MDM2: variants seen among roughly 807,000 people sequenced by gnomAD.
The protein encoded by MDM2 is MDM2 proto-oncogene.
A neutral mutation model predicts 64.3 loss-of-function variants in MDM2; 11 were observed. The observed-to-expected ratio is 0.17, with a 90% confidence interval of 0.11 to 0.28. The LOEUF is 0.28. Ranked by LOEUF, MDM2 falls within the 10% of genes least tolerant of loss-of-function variation. MDM2 has a pLI of 1.00. For synonymous variants in MDM2, 194 were observed against 192.9 expected (o/e 1.01, Z -0.05); for missense variants, 388 against 577.1 (o/e 0.67, Z 3.36).
chr12:68,841,986 G>T lies in MDM2; in HGVS notation c.*2137G>T, dbSNP rs1034205689. On this transcript the variant is annotated 3_prime_UTR_variant, in exon 11 of 11. Transcript: ENST00000258149. ...GACCACATCATGATGTTCATCTGCAGCTGTTGCAAGGTGTTCAGATTGTAT... is the reference window on the plus strand; with the variant it reads ...GACCACATCATGATGTTCATCTGCATCTGTTGCAAGGTGTTCAGATTGTAT... 1 of 388,744 alleles carries T rather than the reference G, an allele frequency of 2.6e-6. No individual in the cohort carries two copies. Among genetic ancestry groups the T allele is most frequent in the African/African-American group, 2.0e-5 (1 of 49,184 alleles). 24.1% of individuals were successfully genotyped at this position (388,744 alleles called of 1,614,324 possible). A position where few individuals can be genotyped will look rare whatever the true frequency, so the allele number is the denominator to read the frequency against.
chr12:68,813,682 T>C, intron 3 of MDM2, 54 bp downstream of exon 3: 1 of 1,341,892 alleles, frequency 7.5e-7, no homozygotes, highest in South Asian at 1.2e-5. Context: ...TAGCCATACT[T>C]AAAGTTTTCA....
intron 3 of MDM2, 49 bp downstream of exon 3, chr12:68,813,677 ATACT>A (rs1437163216): frequency 1.5e-6 from 2 of 1,370,248 alleles, no homozygotes; most frequent in South Asian, 2.5e-5. Context: ...ACATGTAGCC[ATACT>A]TAAAGTTTTC....
chr12:68,815,813 T>C (rs190367049), intron 3 of MDM2: 1 of 178,146 alleles, frequency 5.6e-6, no homozygotes, highest in East Asian at 1.9e-4. Context: ...CTTATAAAAG[T>C]ACATTGTAAA....
rs983338765 is a variant in MDM2, at chr12:68,841,138, G to C, written c.*1289G>C. 1 of 191,294 alleles carries C rather than the reference G, an allele frequency of 5.2e-6. No homozygotes were observed. The highest frequency in any genetic ancestry group is 1.1e-5 in the Non-Finnish European group (1 of 91,660). 11.8% of individuals were successfully genotyped at this position (191,294 alleles called of 1,614,324 possible). Reference sequence around the variant, plus strand: ...TGGGATTACAGATGTGAGGCACCTGGCCTCAGATTTTTGATACTCTTAAAC... The same window carrying C: ...TGGGATTACAGATGTGAGGCACCTGCCCTCAGATTTTTGATACTCTTAAAC... On this transcript the variant is annotated 3_prime_UTR_variant, in exon 11 of 11. Transcript: ENST00000258149.
chr12:68,812,015 G>T (rs1286744203), intron 2 of MDM2, among the ~76,000 whole-genome samples: 1 of 152,014 alleles, frequency 6.6e-6, no homozygotes, highest in African/African-American at 2.4e-5. Flanking sequence ...CAAAGTGCTG[G>T]GATTACAGAC....
At chr12:68,815,703 A>G (rs1330401266) in intron 3 of MDM2, 3 of 397,396 alleles carry the variant, frequency 7.5e-6, no homozygotes, top group Non-Finnish European at 1.5e-5. Flanking sequence ...TCGGCCTCCT[A>G]AAGTGCTAGA....
At chr12:68,825,716 T>C (rs1720231264) in intron 7 of MDM2, among the ~76,000 whole-genome samples, 1 of 152,204 alleles carries the variant, frequency 6.6e-6, no homozygotes, top group African/African-American at 2.4e-5. Flanking sequence ...GTAGACGTAG[T>C]AGACGAGAAG....
chr12:68,823,525 T>G (rs1039944817), intron 5 of MDM2, among the ~76,000 whole-genome samples: 5 of 152,196 alleles, frequency 3.3e-5, no homozygotes, highest in Non-Finnish European at 5.9e-5. Context: ...GTCTTGTTGG[T>G]TTTTACCTAT....
chr12:68,810,357 T>C (rs1880763883), intron 2 of MDM2, among the ~76,000 whole-genome samples: 1 of 151,856 alleles, frequency 6.6e-6, no homozygotes. Context: ...TTAGAACTCC[T>C]GAGTTCTCAA....
chr12:68,825,404 A>G (rs1882228825), intron 7 of MDM2, among the ~76,000 whole-genome samples: 2 of 151,582 alleles, frequency 1.3e-5, no homozygotes, highest in East Asian at 2.0e-4. Context: ...CTGTAATCCC[A>G]GCACTTTGGG....
At chr12:68,815,457 T>TTTA (rs1437670839) in intron 3 of MDM2, among the ~76,000 whole-genome samples, 14 of 147,790 alleles carry the variant, frequency 9.5e-5, no homozygotes, top group Non-Finnish European at 1.8e-4. Flanking sequence ...TTTTTTTTTT[T>TTTA]ATGTGACAGT....
At chr12:68,808,750 C>T (rs1335822892) in intron 1 of MDM2, among the ~76,000 whole-genome samples, 1 of 148,832 alleles carries the variant, frequency 6.7e-6, no homozygotes, top group Admixed American at 6.7e-5. Flanking sequence ...CGGAGGTCTC[C>T]GCGGGAGTTC....
rs999071862 is a variant in MDM2 at position 68,842,677 on chromosome 12, A to G, written c.*2828A>G. 123 of 208,870 alleles carry G rather than the reference A, an allele frequency of 5.9e-4. No homozygotes were observed. Among genetic ancestry groups the G allele is most frequent in the Non-Finnish European group, 9.5e-4 (95 of 100,242 alleles). 12.9% of individuals were successfully genotyped at this position (208,870 alleles called of 1,614,324 possible). A position where few individuals can be genotyped will look rare whatever the true frequency, so the allele number is the denominator to read the frequency against. ...AACATGTAATTAATGACATTCAAAAATTTATGGCTAGTGATATATATAAAG... is the reference window on the plus strand; with the variant it reads ...AACATGTAATTAATGACATTCAAAAGTTTATGGCTAGTGATATATATAAAG... On this transcript the variant is annotated 3_prime_UTR_variant, in exon 11 of 11. Transcript: ENST00000258149.
intron 7 of MDM2, among the ~76,000 whole-genome samples, chr12:68,825,652 AAAAAG>A (rs1882252948): frequency 6.8e-6 from 1 of 147,962 alleles, no homozygotes; most frequent in East Asian, 1.9e-4. Context: ...ACTGTCTAAA[AAAAAG>A]AGAGAGAGAG....
At chr12:68,827,302 GA>G (rs1882420312) in intron 7 of MDM2, among the ~76,000 whole-genome samples, 1 of 74,790 alleles carries the variant, frequency 1.3e-5, no homozygotes, top group Non-Finnish European at 4.3e-5. Flanking sequence ...TAGGAGGTAA[GA>G]GTTTTTTTTT....
At chr12:68,823,496 C>A (rs1229957323) in intron 5 of MDM2, among the ~76,000 whole-genome samples, 1 of 152,274 alleles carries the variant, frequency 6.6e-6, no homozygotes, top group African/African-American at 2.4e-5. Flanking sequence ...TCTTCCTTGC[C>A]TTCTATATCA....
At chr12:68,824,319 C>T (rs1254219338) in intron 5 of MDM2, 44 bp from the exon 6 acceptor site, 5 of 1,499,826 alleles carry the variant, frequency 3.3e-6, no homozygotes, top group East Asian at 2.3e-5. Context: ...CCCCGCCGCC[C>T]CCCGCCCACC....
intron 2 of MDM2, among the ~76,000 whole-genome samples, chr12:68,811,444 C>G (rs1880881405): frequency 6.6e-6 from 1 of 151,968 alleles, no homozygotes; most frequent in African/African-American, 2.4e-5. Flanking sequence ...CCTATATTTT[C>G]TTCTAGATTT....
rs938494343 is a variant in MDM2, at chr12:68,845,214, A to G, written c.*5365A>G. On this transcript the variant is annotated 3_prime_UTR_variant, in exon 11 of 11. Transcript: ENST00000258149. ...TTTGATTTGATACTTATAAAAAGAAAAAGTATTTCTTCAGCTTAAAAAATT... is the reference window on the plus strand; with the variant it reads ...TTTGATTTGATACTTATAAAAAGAAGAAGTATTTCTTCAGCTTAAAAAATT... The G allele has an allele frequency of 1.8e-5, 4 of 217,172 alleles. No individual in the cohort carries two copies. The highest frequency in any genetic ancestry group is 1.8e-5 in the Non-Finnish European group (2 of 108,226). The allele number at this position is 217,172 out of a possible 1,614,324, so 13.5% of individuals were successfully genotyped here.
Sources: allele counts gnomAD v4.1 joint callset (sites outside exome capture counted in the v4.1 genomes callset), GRCh38; gene constraint gnomAD v4.1.1; transcripts MANE v1.5; gene names NCBI Gene and HGNC (gene_info 2026-07-23, HGNC 2026-07-21).